Variants in FHIP1A observed in about 807,000 individuals in gnomAD.
The protein encoded by FHIP1A is FHF complex subunit HOOK interacting protein 1A.
Under a neutral mutation model 88.6 loss-of-function variants are expected in FHIP1A, and 61 were observed. The observed-to-expected ratio is 0.69, with a 90% confidence interval of 0.56 to 0.85. The LOEUF is 0.85. FHIP1A is among the 40% of genes least tolerant of loss of function. The pLI is 0.00. For missense variants in FHIP1A, 1,154 were observed against 1,273.5 expected (o/e 0.91, Z 1.43); for synonymous variants, 478 against 496.0 (o/e 0.96, Z 0.48).
intron 1 of FHIP1A, among the ~76,000 whole-genome samples, chr4:151,412,874 G>T (rs938967114): frequency 2.6e-5 from 4 of 151,334 alleles, no homozygotes; most frequent in African/African-American, 9.7e-5. Flanking sequence ...AGTAGAGATG[G>T]GGTTCCTCCA....
At chr4:151,654,925 T>G (rs1281966677) in intron 11 of FHIP1A, among the ~76,000 whole-genome samples, 1 of 152,160 alleles carries the variant, frequency 6.6e-6, no homozygotes, top group African/African-American at 2.4e-5. Flanking sequence ...TTGAGATCCC[T>G]TAGAGACATC....
intron 1 of FHIP1A, among the ~76,000 whole-genome samples, chr4:151,410,553 G>T (rs1732586121): frequency 6.6e-6 from 1 of 152,150 alleles, no homozygotes; most frequent in Non-Finnish European, 1.5e-5. Flanking sequence ...ATTAATGAGA[G>T]GGAAGATTTC....
Position 151,469,134 on chromosome 4 carries a change from T to C in FHIP1A, c.-247-13390T>C, listed in dbSNP as rs199819772. 2.6e-5 allele frequency among the ~76,000 whole-genome samples: 4 copies of C among 152,240 alleles called. No individual in the cohort carries two copies. In the East Asian group the frequency reaches 5.8e-4, roughly 22 times the overall value. On this transcript the variant is annotated intron_variant, in intron 2 of 13. Transcript: ENST00000435205. ...AAAAGCTGATTTACCATTGCTTTAG[T>C]TGCTTTTGGATAATAGTTTTAAGAA...
chr4:151,537,333 C>T (rs1189436341), intron 3 of FHIP1A, among the ~76,000 whole-genome samples: 2 of 152,072 alleles, frequency 1.3e-5, no homozygotes, highest in African/African-American at 2.4e-5. Flanking sequence ...AGTAATATAT[C>T]TTTGTGGTTT....
intron 1 of FHIP1A, among the ~76,000 whole-genome samples, chr4:151,433,249 T>C (rs1328027639): frequency 6.6e-6 from 1 of 151,028 alleles, no homozygotes; most frequent in Non-Finnish European, 1.5e-5. Flanking sequence ...GAGAGAGTAT[T>C]GAGGAGGCTA....
At chr4:151,630,767 C>G (rs1736129396) in intron 8 of FHIP1A, among the ~76,000 whole-genome samples, 1 of 152,182 alleles carries the variant, frequency 6.6e-6, no homozygotes, top group Non-Finnish European at 1.5e-5. Context: ...GGCCATATAA[C>G]AAGCCTCAGT....
At chr4:151,435,919 A>G (rs989175050) in intron 1 of FHIP1A, among the ~76,000 whole-genome samples, 5 of 152,184 alleles carry the variant, frequency 3.3e-5, no homozygotes, top group Admixed American at 1.3e-4. Flanking sequence ...TTTGTTTCAG[A>G]CTGATGACCT....
At chr4:151,529,801 C>T (rs538533540) in intron 3 of FHIP1A, among the ~76,000 whole-genome samples, 4 of 152,262 alleles carry the variant, frequency 2.6e-5, no homozygotes, top group African/African-American at 9.6e-5. Context: ...AAGTACTTTG[C>T]TTAAAGTTAC....
chr4:151,638,069 CA>C (rs2126889836), intron 8 of FHIP1A, among the ~76,000 whole-genome samples: 1 of 152,216 alleles, frequency 6.6e-6, no homozygotes, highest in East Asian at 1.9e-4. Context: ...TTTTGGAAAT[CA>C]GTGATTGATA....
At chr4:151,559,432 G>C (rs544161035) in intron 3 of FHIP1A, among the ~76,000 whole-genome samples, 1 of 152,290 alleles carries the variant, frequency 6.6e-6, no homozygotes, top group East Asian at 1.9e-4. Flanking sequence ...CCACTGCCCT[G>C]TGCTGACTCA....
chr4:151,443,764 C>T (rs1007993203), intron 1 of FHIP1A, among the ~76,000 whole-genome samples: 3 of 147,616 alleles, frequency 2.0e-5, no homozygotes, highest in African/African-American at 7.5e-5. Context: ...TTCTTCACCC[C>T]CAAAATGCCG....
chr4:151,537,745 T>G (rs911948894), intron 3 of FHIP1A, among the ~76,000 whole-genome samples: 4 of 152,290 alleles, frequency 2.6e-5, no homozygotes, highest in Non-Finnish European at 4.4e-5. Context: ...TTGAGGTAAC[T>G]GTGTTAGAAA....
intron 7 of FHIP1A, among the ~76,000 whole-genome samples, chr4:151,612,445 A>G (rs138964652): frequency 1.3e-5 from 2 of 152,260 alleles, no homozygotes; most frequent in African/African-American, 2.4e-5. Flanking sequence ...CAGTGGCACA[A>G]TCTCTGCTCA....
intron 7 of FHIP1A, among the ~76,000 whole-genome samples, chr4:151,627,753 C>G (rs1326678585): frequency 6.6e-6 from 1 of 152,144 alleles, no homozygotes; most frequent in Admixed American, 6.5e-5. Context: ...AAAAACGTCT[C>G]TACTTTCTGG....
chr4:151,474,974 A>G (rs1381093023), intron 2 of FHIP1A, among the ~76,000 whole-genome samples: 2 of 152,202 alleles, frequency 1.3e-5, no homozygotes, highest in East Asian at 1.9e-4. Context: ...TTTAGAATTC[A>G]TAAGATTATA....
rs147025353 is a variant in FHIP1A, at chr4:151,599,410, G to A, written c.978+10484G>A. Among the ~76,000 whole-genome samples the A allele has an allele frequency of 5.6e-4, 86 of 152,232 alleles. 2 individuals carry two copies. In the East Asian group the frequency reaches 0.014, roughly 25 times the overall value. On this transcript the variant is annotated intron_variant, in intron 7 of 13. Transcript: ENST00000435205. ...CAGATGCCAAGATAGGATTGAATGT[G>A]CAAGGATTTTATTTGGGGAAATGCC... is the stretch of plus-strand genomic sequence containing the variant.
intron 7 of FHIP1A, among the ~76,000 whole-genome samples, chr4:151,597,406 G>A (rs895379079): frequency 5.9e-5 from 9 of 152,100 alleles, no homozygotes; most frequent in Non-Finnish European, 8.8e-5. Flanking sequence ...TGGAAGCTTC[G>A]TCCCAGAGGG....
chr4:151,520,800 G>C (rs1175112992), intron 3 of FHIP1A, among the ~76,000 whole-genome samples: 1 of 152,124 alleles, frequency 6.6e-6, no homozygotes, highest in Non-Finnish European at 1.5e-5. Context: ...TTCATGGATT[G>C]TTACTATTAT....
At chr4:151,457,108 G>A (rs183725894) in intron 2 of FHIP1A, among the ~76,000 whole-genome samples, 2 of 152,266 alleles carry the variant, frequency 1.3e-5, no homozygotes, top group Admixed American at 1.3e-4. Context: ...TCTGTAATAG[G>A]TAAATATGGT....
Sources: gnomAD v4.1 joint callset for allele counts (sites outside exome capture counted in the v4.1 genomes callset) on GRCh38, gnomAD v4.1.1 for gene constraint, MANE v1.5 for transcripts, NCBI Gene and HGNC (gene_info 2026-07-23, HGNC 2026-07-21) for gene names.